Variants in PDE11A observed in about 807,000 individuals in gnomAD.
The protein encoded by PDE11A is phosphodiesterase 11A, also known as dual 3',5'-cyclic-AMP and -GMP phosphodiesterase 11A.
PDE11A carries 100 observed loss-of-function variants against 100.5 expected under a neutral mutation model. The ratio of observed to expected loss-of-function variants is 1.00; its 90% confidence interval spans 0.85 to 1.18. The LOEUF (loss-of-function observed/expected upper bound fraction) is 1.18. Ranked by LOEUF, PDE11A falls within the 50% of genes most tolerant of loss-of-function variation. The pLI, the probability that PDE11A is intolerant of heterozygous loss-of-function variation, is 0.00. For missense variants in PDE11A, 1,141 were observed against 1,152.6 expected (o/e 0.99, Z 0.15); for synonymous variants, 381 against 420.8 (o/e 0.91, Z 1.16).
chr2:177,845,147 G>T (rs2083562538), intron 5 of PDE11A, among the ~76,000 whole-genome samples: 1 of 150,812 alleles, frequency 6.6e-6, no homozygotes, highest in Non-Finnish European at 1.5e-5. Flanking sequence ...TCCCGGACGG[G>T]GCGGCTGGCC....
At chr2:178,001,690 G>T (rs537225783) in intron 2 of PDE11A, among the ~76,000 whole-genome samples, 1 of 152,212 alleles carries the variant, frequency 6.6e-6, no homozygotes, top group East Asian at 1.9e-4. Flanking sequence ...CCTGCCACTG[G>T]GTCAAAGGAT....
At chr2:177,860,558 A>T (rs1036334399) in intron 5 of PDE11A, among the ~76,000 whole-genome samples, 1 of 151,840 alleles carries the variant, frequency 6.6e-6, no homozygotes, top group Non-Finnish European at 1.5e-5. Context: ...AGTCCTTAAC[A>T]AACTCTTAAA....
chr2:177,911,702 G>A (rs1043353909), intron 2 of PDE11A, among the ~76,000 whole-genome samples: 2 of 152,096 alleles, frequency 1.3e-5, no homozygotes, highest in African/African-American at 4.8e-5. Flanking sequence ...TGACCAACAT[G>A]GTGAAACCCC....
intron 1 of PDE11A, among the ~76,000 whole-genome samples, chr2:178,068,710 C>T (rs544044976): frequency 6.6e-4 from 100 of 151,172 alleles, no homozygotes; most frequent in African/African-American, 2.3e-3. Context: ...GGAAGGTTGT[C>T]GGTTTTCATT....
chr2:177,733,820 C>T (rs763900630), intron 10 of PDE11A, among the ~76,000 whole-genome samples: 4 of 152,202 alleles, frequency 2.6e-5, no homozygotes, highest in Non-Finnish European at 5.9e-5. Context: ...TAGTGTTATG[C>T]TTTGCATATA....
At chr2:177,784,247 T>C (rs2082498326) in intron 9 of PDE11A, among the ~76,000 whole-genome samples, 1 of 86,226 alleles carries the variant, frequency 1.2e-5, no homozygotes, top group African/African-American at 4.8e-5. Context: ...TGCCAAAACC[T>C]GCCAAAACCA....
chr2:177,800,151 A>G (rs1187238727), intron 9 of PDE11A, among the ~76,000 whole-genome samples: 1 of 151,030 alleles, frequency 6.6e-6, no homozygotes, highest in Non-Finnish European at 1.5e-5. Flanking sequence ...AACCTTAAGA[A>G]TAATCCTAAC....
At chr2:178,000,779 C>A (rs2086135071) in intron 2 of PDE11A, among the ~76,000 whole-genome samples, 1 of 152,144 alleles carries the variant, frequency 6.6e-6, no homozygotes, top group Admixed American at 6.5e-5. Flanking sequence ...TGCCACAAGG[C>A]AATGTAATTT....
intron 9 of PDE11A, among the ~76,000 whole-genome samples, chr2:177,798,322 A>G (rs1034940417): frequency 1.3e-5 from 2 of 152,152 alleles, no homozygotes; most frequent in Non-Finnish European, 2.9e-5. Flanking sequence ...ACTTTCATTT[A>G]TCTCTGTCCT....
chr2:177,939,351 C>T (rs534245679), intron 2 of PDE11A, among the ~76,000 whole-genome samples: 2 of 106,320 alleles, frequency 1.9e-5, no homozygotes, highest in Non-Finnish European at 3.7e-5. Flanking sequence ...GGAGGGAGGG[C>T]GGAAGGAGGG....
intron 2 of PDE11A, among the ~76,000 whole-genome samples, chr2:177,925,528 T>C (rs2085114652): frequency 6.6e-6 from 1 of 152,216 alleles, no homozygotes; most frequent in South Asian, 2.1e-4. Context: ...AAATGTCTTC[T>C]TTTGAGAAGT....
chr2:177,830,714 A>G (rs1037618004), intron 6 of PDE11A, among the ~76,000 whole-genome samples: 1 of 151,376 alleles, frequency 6.6e-6, no homozygotes, highest in Non-Finnish European at 1.5e-5. Context: ...ATTAATATAC[A>G]TAATAACCCT....
intron 5 of PDE11A, among the ~76,000 whole-genome samples, chr2:177,844,333 T>A (rs2083543383): frequency 1.3e-5 from 2 of 152,030 alleles, no homozygotes; most frequent in South Asian, 4.2e-4. Context: ...GGGCCTCTTT[T>A]ATAAAGGCAC....
At chr2:178,096,327 C>G (rs1419508300) in intron 2 of PDE11A, among the ~76,000 whole-genome samples, 2 of 118,494 alleles carry the variant, frequency 1.7e-5, no homozygotes, top group African/African-American at 5.8e-5. Context: ...TCAAGCCCAG[C>G]TAATTTTTTT....
intron 1 of PDE11A, among the ~76,000 whole-genome samples, chr2:178,037,882 A>G (rs1265560256): frequency 6.6e-6 from 1 of 152,000 alleles, no homozygotes; most frequent in Non-Finnish European, 1.5e-5. Flanking sequence ...GGGGTGGGGG[A>G]CAAGGGAAGG....
intron 13 of PDE11A, among the ~76,000 whole-genome samples, chr2:177,709,841 C>T (rs532661378): frequency 6.6e-6 from 1 of 152,156 alleles, no homozygotes; most frequent in East Asian, 1.9e-4. Context: ...CGAAAAGGTC[C>T]GACAGCTTTG....
intron 12 of PDE11A, among the ~76,000 whole-genome samples, chr2:177,713,265 T>C (rs1029659430): frequency 2.0e-5 from 3 of 152,172 alleles, no homozygotes; most frequent in African/African-American, 7.2e-5. Context: ...CATCTCGGCC[T>C]CTCAAAATGC....
chr2:177,657,067 TA>T (rs200802791), intron 19 of PDE11A, among the ~76,000 whole-genome samples: 2 of 152,120 alleles, frequency 1.3e-5, no homozygotes, highest in Admixed American at 1.3e-4. Flanking sequence ...GATTTCTTTT[TA>T]AAAAAACATC....
chr2:177,878,551 C>A (rs2084278065), intron 4 of PDE11A, among the ~76,000 whole-genome samples: 1 of 152,156 alleles, frequency 6.6e-6, no homozygotes, highest in Non-Finnish European at 1.5e-5. Flanking sequence ...CATTTTCCTG[C>A]AAATGAGGGA....
Sources: gnomAD v4.1 joint callset for allele counts (sites outside exome capture counted in the v4.1 genomes callset) on GRCh38, gnomAD v4.1.1 for gene constraint, MANE v1.5 for transcripts, NCBI Gene and HGNC (gene_info 2026-07-23, HGNC 2026-07-21) for gene names.